Variants in COL18A1 observed in about 807,000 individuals in gnomAD.
COL18A1 encodes collagen type XVIII alpha 1 chain, also known as collagen alpha-1(XVIII) chain.
COL18A1 carries 133 observed loss-of-function variants against 168.0 expected under a neutral mutation model. The ratio of observed to expected loss-of-function variants is 0.79; its 90% CI spans 0.69 to 0.91. The LOEUF (loss-of-function observed/expected upper bound fraction) is 0.91, where lower values mean the gene tolerates loss of function less well. COL18A1 is among the 40% of genes least tolerant of loss of function. The pLI, the probability that COL18A1 is intolerant of heterozygous loss-of-function variation, is 0.00. For synonymous variants in COL18A1, 949 were observed against 809.0 expected, an observed-to-expected ratio of 1.17 and a Z score of -2.94; for missense variants, 2,126 against 1,925.4, an observed-to-expected ratio of 1.10 and a Z score of -1.95.
intron 2 of COL18A1, among the ~76,000 whole-genome samples, chr21:45,413,458 A>G (rs1351898713): frequency 6.6e-6 from 1 of 152,204 alleles, no homozygotes; most frequent in Non-Finnish European, 1.5e-5. Flanking sequence ...GTCTCCCGCT[A>G]CGACCCCTCG....
rs1353541188 is a variant in COL18A1, at chr21:45,456,739, C to G, written c.107-11503C>G. The G allele has an allele frequency of 5.9e-6, 9 of 1,535,480 alleles. No individual in the cohort carries two copies. The East Asian group carries it at 2.2e-4, about 38-fold the overall frequency. ...CCCCATGCGGCAGCGTCCCGCCGCCCGCCCCGCCACCCTGCTGCCAGTTCT... is the reference window on the plus strand; with the variant it reads ...CCCCATGCGGCAGCGTCCCGCCGCCGGCCCCGCCACCCTGCTGCCAGTTCT... On this transcript the variant is annotated intron_variant, in intron 2 of 41. Coordinates refer to ENST00000651438, the MANE Select transcript of COL18A1 (RefSeq NM_001379500.1).
chr21:45,467,824 C>T (rs1741025063), intron 2 of COL18A1, among the ~76,000 whole-genome samples: 1 of 152,166 alleles, frequency 6.6e-6, no homozygotes, highest in Admixed American at 6.5e-5. Flanking sequence ...GCTCCTTGCC[C>T]CAGCGGGGGT....
intron 2 of COL18A1, among the ~76,000 whole-genome samples, chr21:45,441,954 G>A (rs1242192747): frequency 1.3e-5 from 2 of 152,228 alleles, no homozygotes; most frequent in African/African-American, 4.8e-5. Context: ...GCACAGGCCT[G>A]GTGACCCCCT....
chr21:45,424,252 C>T (rs2033713651), intron 2 of COL18A1: 1 of 152,246 alleles, frequency 6.6e-6, no homozygotes, highest in Non-Finnish European at 1.5e-5. Flanking sequence ...ACCCAGGCTT[C>T]CTGTGCCTCT....
chr21:45,451,146 G>A (rs1170995813), intron 2 of COL18A1, among the ~76,000 whole-genome samples: 1 of 152,244 alleles, frequency 6.6e-6, no homozygotes, highest in East Asian at 1.9e-4. Context: ...AAGAGTGGCT[G>A]CGTGCGGGTA....
rs754974432 is a variant in COL18A1, at chr21:45,468,744, C to T, written c.609C>T (p.Leu203=). The change falls in exon 3 of 42, where the codon CTC becomes CTT. Residue 203 remains leucine (L), a synonymous_variant. Coordinates refer to ENST00000651438, the MANE Select transcript of COL18A1 (RefSeq NM_001379500.1). ...RGLELEPGAG[L]FVAQAGGADP... Reference sequence around the variant, plus strand: ...TGGAGCTGGAGCCTGGCGCCGGGCTCTTCGTGGCTCAGGCGGGGGGAGCGG... The same window carrying T: ...TGGAGCTGGAGCCTGGCGCCGGGCTTTTCGTGGCTCAGGCGGGGGGAGCGG... 1.1e-5 allele frequency: 18 copies of T among 1,609,252 alleles called. No individual in the cohort carries two copies. In the East Asian group the frequency reaches 3.6e-4, roughly 32 times the overall value.
chr21:45,478,535 T>G lies in COL18A1; in HGVS notation c.1248+182T>G, dbSNP rs887978822. ...TGTAACTGTTGATGGGAAATAGCAG[T>G]TATGCATTTGTGTTGAGACATTTGG... is the stretch of plus-strand genomic sequence containing the variant. On this transcript the variant is annotated intron_variant, in intron 9 of 41. Transcript: ENST00000651438. Among the ~76,000 whole-genome samples the G allele has an allele frequency of 1.3e-4, 20 of 152,154 alleles. 1 individual carries two copies. Among genetic ancestry groups the G allele is most frequent in the Admixed American group, 2.6e-4 (4 of 15,270 alleles).
rs780517061 is a variant in COL18A1 at position 45,468,524 on chromosome 21, A to G, written c.389A>G (p.Asp130Gly). The G allele has an allele frequency of 7.4e-6, 12 of 1,613,340 alleles. No homozygotes were observed. In the African/African-American group the frequency reaches 1.5e-4, roughly 20 times the overall value. The change falls in exon 3 of 42, where the codon GAC becomes GGC. Residue 130 changes from aspartate to glycine, a missense_variant. Coordinates refer to ENST00000651438, the MANE Select transcript of COL18A1 (RefSeq NM_001379500.1). ...LLGVKLSGVQDGHQDISLLYT... is the reference protein window; with the variant it reads ...LLGVKLSGVQGGHQDISLLYT... ...GGCGTGAAGCTCTCTGGGGTGCAGG[A>G]CGGGCACCAGGACATCTCCCTGCTC...
chr21:45,408,542 C>T (rs1406184863), intron 2 of COL18A1: 3 of 152,270 alleles, frequency 2.0e-5, no homozygotes, highest in Non-Finnish European at 2.9e-5. Flanking sequence ...AGCACCACCG[C>T]CCTGGGAGCA....
chr21:45,407,857 C>T (rs1311789744), intron 2 of COL18A1, among the ~76,000 whole-genome samples: 1 of 152,256 alleles, frequency 6.6e-6, no homozygotes, highest in Non-Finnish European at 1.5e-5. Context: ...AAGGCAGGGT[C>T]CCTGCGCCTC....
At chr21:45,419,695 G>A (rs1440202065) in intron 2 of COL18A1, 1 of 152,214 alleles carries the variant, frequency 6.6e-6, no homozygotes, top group Non-Finnish European at 1.5e-5. Context: ...GGGCCACTTG[G>A]TTGCATTGTG....
rs2037705155 is a variant in COL18A1 at position 45,513,142 on chromosome 21, G to A, written c.*744G>A. 2 of 152,438 alleles carry A rather than the reference G, an allele frequency of 1.3e-5. No homozygotes were observed. Among genetic ancestry groups the A allele is most frequent in the South Asian group, 4.1e-4 (2 of 4,836 alleles). The allele number at this position is 152,438 out of a possible 1,614,324, so 9.4% of individuals were successfully genotyped here. ...GCTCCACCCTGGCCGAGTCCAAGCT[G>A]GGAGATTCAAGGGACCCATGAGTTG... is the stretch of plus-strand genomic sequence containing the variant. On this transcript the variant is annotated 3_prime_UTR_variant, in exon 42 of 42. Transcript: ENST00000651438.
rs528660163 is a variant in COL18A1, at chr21:45,428,965, C to T, written c.106+23492C>T. 6.6e-4 allele frequency among the ~76,000 whole-genome samples: 100 copies of T among 150,470 alleles called. 1 individual carries two copies. The highest frequency in any genetic ancestry group is 3.3e-4 in the Admixed American group (5 of 15,092). ...GTTTTCAGGCTGGAGTGCAGTGGTG[C>T]GATCTCGGCTCACTATAACCTCTGC... On this transcript the variant is annotated intron_variant, in intron 2 of 41. Coordinates refer to ENST00000651438, the MANE Select transcript of COL18A1 (RefSeq NM_001379500.1).
At chr21:45,455,278 C>A (rs2034754694) in intron 2 of COL18A1, among the ~76,000 whole-genome samples, 1 of 152,262 alleles carries the variant, frequency 6.6e-6, no homozygotes, top group Admixed American at 6.5e-5. Flanking sequence ...CCTCTGTCCT[C>A]ACGGAGCCTG....
intron 2 of COL18A1, among the ~76,000 whole-genome samples, chr21:45,411,706 CT>C (rs1231293972): frequency 7.0e-6 from 1 of 142,872 alleles, no homozygotes; most frequent in African/African-American, 2.7e-5. Flanking sequence ...AGGGCTTCGT[CT>C]TCTCACAGCT....
chr21:45,435,050 G>C (rs2034063247), intron 2 of COL18A1, among the ~76,000 whole-genome samples: 1 of 152,062 alleles, frequency 6.6e-6, no homozygotes, highest in Non-Finnish European at 1.5e-5. Flanking sequence ...AGCACCAAGG[G>C]CTGAAGGAAA....
rs2035103711 is a variant in COL18A1 at position 45,463,349 on chromosome 21, TG to T, written c.107-4888del. Among the ~76,000 whole-genome samples the T allele has an allele frequency of 6.6e-6, 1 of 152,200 alleles. No homozygotes were observed. On this transcript the variant is annotated intron_variant, in intron 2 of 41. Coordinates refer to ENST00000651438, the MANE Select transcript of COL18A1 (RefSeq NM_001379500.1). This position sits in a 1 kb window ranked among gnomAD's most constrained non-coding sequence, Gnocchi z 4.0. ...TCGTGCATGGCACCTGCTATGGGAA[TG>T]GGGGTGGAGGATGGATGTGTGGCTG...
rs1387248324 is a variant in COL18A1, at chr21:45,405,327, T to TGCGGGGGTCGCGGGGGTC, written c.12-51_12-34dup. The TGCGGGGGTCGCGGGGGTC allele has an allele frequency of 1.3e-4, 136 of 1,027,266 alleles. No homozygotes were observed. The African/African-American group carries it at 2.3e-3, about 17-fold the overall frequency. The allele number at this position is 1,027,266 out of a possible 1,614,324, so 63.6% of individuals were successfully genotyped here. A position where few individuals can be genotyped will look rare whatever the true frequency, so the allele number is the denominator to read the frequency against. On this transcript the variant is annotated intron_variant, in intron 1 of 41. Coordinates refer to ENST00000651438, the MANE Select transcript of COL18A1 (RefSeq NM_001379500.1). ...GGGGTCGCGGGGCTCGGCCGGGTCC[T>TGCGGGGGTCGCGGGGGTC]GCGGGGGTCGCGGGGGTCCTGCGGG...
In COL18A1 at chr21:45,479,823, G is replaced by C. The variant is rs113263045; in HGVS notation, c.1249-79G>C. The C allele has an allele frequency of 2.2e-5, 35 of 1,591,364 alleles. No homozygotes were observed. The East Asian group carries it at 7.9e-4, about 36-fold the overall frequency. On this transcript the variant is annotated intron_variant, in intron 9 of 41. Coordinates refer to ENST00000651438, the MANE Select transcript of COL18A1 (RefSeq NM_001379500.1). ...CTCAGCTCCCGTCCGTCCCCTGCTT[G>C]GGGGAGGAGCACTGAGAGTGCTGGG... is the stretch of plus-strand genomic sequence containing the variant.
Sources: allele counts gnomAD v4.1 joint callset (sites outside exome capture counted in the v4.1 genomes callset), GRCh38; gene constraint gnomAD v4.1.1; non-coding constraint Gnocchi (gnomAD v3.1); transcripts MANE v1.5; gene names NCBI Gene and HGNC (gene_info 2026-07-23, HGNC 2026-07-21).